FBXL22: variants seen among roughly 807,000 people sequenced by gnomAD.
FBXL22 encodes the protein F-box and leucine rich repeat protein 22, also known as F-box and leucine-rich protein 22.
A neutral mutation model predicts 11.7 loss-of-function variants in FBXL22; 13 were observed. That is an observed-to-expected ratio of 1.11 (90% CI 0.73 to 1.77). The LOEUF (loss-of-function observed/expected upper bound fraction) is 1.77, where lower values mean the gene tolerates loss of function less well. Ranked by LOEUF, FBXL22 falls within the 40% of genes most tolerant of loss-of-function variation. The probability of loss-of-function intolerance (pLI) is 0.00; values close to 1 mark genes in which losing one functional copy is unlikely to be tolerated. For missense variants in FBXL22, 406 were observed against 320.4 expected (o/e 1.27, Z -2.04); for synonymous variants, 160 against 144.1 (o/e 1.11, Z -0.79).
At chr15:63,601,320 G>T, downstream of FBXL22, 2 of 1,594,424 alleles carry the variant, frequency 1.3e-6, no homozygotes, top group Non-Finnish European at 1.7e-6. Flanking sequence ...GCTCCCCACG[G>T]AGGCGGGAGG....
chr15:63,608,155 C>T, the FBXL22 span, among the ~76,000 whole-genome samples: 48 of 152,366 alleles, frequency 3.2e-4, no homozygotes, highest in East Asian at 6.5e-3. Flanking sequence ...GCCCTCCCCA[C>T]TGAGACATGT....
At chr15:63,601,565 A>T, downstream of FBXL22, 1 of 1,540,636 alleles carries the variant, frequency 6.5e-7, no homozygotes, top group Non-Finnish European at 8.8e-7. Context: ...TCGGTGAAGC[A>T]GGAGGAGGGG....
downstream of FBXL22, among the ~76,000 whole-genome samples, chr15:63,603,403 T>C (rs747483172): frequency 3.3e-5 from 5 of 152,368 alleles, no homozygotes; most frequent in Non-Finnish European, 7.3e-5. Context: ...TTACTAGTTT[T>C]GGGTAATAAA....
chr15:63,603,005 A>T (rs1380568857), downstream of FBXL22, among the ~76,000 whole-genome samples: 1 of 152,156 alleles, frequency 6.6e-6, no homozygotes, highest in Non-Finnish European at 1.5e-5. Context: ...TTAGCCTTAA[A>T]ATAGACTCCA....
chr15:63,600,686 TCTC>T lies in FBXL22; in HGVS notation c.354-7_354-5del. ...GCCAGTGAGCCCCGGGTCACCGCACTCTCCTCACAGGTGCCCCAACCTGGCGTC... is the reference window on the plus strand; with the variant it reads ...GCCAGTGAGCCCCGGGTCACCGCACTCTCACAGGTGCCCCAACCTGGCGTC... On this transcript the variant is annotated splice_region_variant and splice_polypyrimidine_tract_variant and intron_variant, in intron 1 of 1. Transcript: ENST00000638704. 8.1e-7 allele frequency: 1 copy of T among 1,231,278 alleles called. No individual in the cohort carries two copies. Among genetic ancestry groups the T allele is most frequent in the Non-Finnish European group, 1.0e-6 (1 of 987,688 alleles). The allele number at this position is 1,231,278 out of a possible 1,614,324, so 76.3% of individuals were successfully genotyped here.
chr15:63,599,775 C>G, intron 1 of FBXL22: 1 of 986,312 alleles, frequency 1.0e-6, no homozygotes, highest in East Asian at 1.1e-4. Context: ...AAGGCCCCGG[C>G]CCATTAGTCG....
In FBXL22 at chr15:63,601,089, CT is replaced by C; in HGVS notation, c.*51del. On this transcript the variant is annotated 3_prime_UTR_variant, in exon 2 of 2. Transcript: ENST00000638704. ...GGAAGGAGCGCAGCCCCAGACCGTCCTGGCTTCGAACCCAGCTCTTCCACCT... is the reference window on the plus strand; with the variant it reads ...GGAAGGAGCGCAGCCCCAGACCGTCCGGCTTCGAACCCAGCTCTTCCACCT... 7.8e-7 allele frequency: 1 copy of C among 1,286,556 alleles called. No homozygotes were observed. The highest frequency in any genetic ancestry group is 2.6e-5 in the South Asian group (1 of 38,860). The allele number at this position is 1,286,556 out of a possible 1,614,324, so 79.7% of individuals were successfully genotyped here.
Position 63,600,879 on chromosome 15 carries a change from T to C in FBXL22, c.536T>C (p.Val179Ala), listed in dbSNP as rs1338918964. 4.5e-5 allele frequency: 55 copies of C among 1,226,768 alleles called. No homozygotes were observed. The highest frequency in any genetic ancestry group is 5.4e-5 in the Non-Finnish European group (53 of 984,560). The allele number at this position is 1,226,768 out of a possible 1,614,324, so 76.0% of individuals were successfully genotyped here. A position where few individuals can be genotyped will look rare whatever the true frequency, so the allele number is the denominator to read the frequency against. ...GGGCGCGCGCTGCAGACATTGCACGTGGACTTCTGCCGCAACGTGAGCGCG... is the reference window on the plus strand; with the variant it reads ...GGGCGCGCGCTGCAGACATTGCACGCGGACTTCTGCCGCAACGTGAGCGCG... ...ADGRALQTLH[V>A]DFCRNVSAAG... is the part of the protein sequence containing the mutation. The change falls in exon 2 of 2, where the codon GTG (valine) becomes GCG (alanine). Residue 179 changes from valine to alanine, a missense_variant. Val to Ala is a moderately conservative substitution (Grantham distance 64, BLOSUM62 0). Coordinates refer to ENST00000638704, the MANE Select transcript of FBXL22 (RefSeq NM_001367807.1).
At chr15:63,602,493 A>G (rs2067385800), downstream of FBXL22, 1 of 149,656 alleles carries the variant, frequency 6.7e-6, no homozygotes, top group Admixed American at 6.7e-5. Flanking sequence ...AGGCTGAGGC[A>G]GGAGAATGGC....
downstream of FBXL22, chr15:63,601,283 G>A: frequency 6.4e-7 from 1 of 1,562,464 alleles, no homozygotes. Flanking sequence ...TTCCCCTCTT[G>A]CTTCCGCCCC....
At position 63,600,762 on chromosome 15, in the gene FBXL22, G is replaced by C; in HGVS notation, c.419G>C (p.Arg140Pro). ...CGHVTDDCLARLLRCCPRLRA... is the reference protein window; with the variant it reads ...CGHVTDDCLAPLLRCCPRLRA... ...CACGTTACCGACGACTGCCTGGCGC[G>C]CCTGCTGCGCTGCTGCCCACGCCTG... Residue 140 changes from arginine to proline, a missense_variant, in exon 2 of 2, where the codon CGC (arginine) becomes CCC (proline). Physicochemically the swap from Arg to Pro is moderately radical, Grantham distance 103 (BLOSUM62 -2). Transcript: ENST00000638704. 8.1e-7 allele frequency: 1 copy of C among 1,231,442 alleles called. No individual in the cohort carries two copies. The highest frequency in any genetic ancestry group is 1.5e-5 in the African/African-American group (1 of 64,526). 76.3% of individuals were successfully genotyped at this position (1,231,442 alleles called of 1,614,324 possible).
chr15:63,603,340 C>T (rs575341586), downstream of FBXL22, among the ~76,000 whole-genome samples: 1 of 152,280 alleles, frequency 6.6e-6, no homozygotes, highest in South Asian at 2.1e-4. Context: ...AATTGCTTTC[C>T]CCTCTAAAAA....
downstream of FBXL22, chr15:63,601,545 G>C (rs1211738068): frequency 5.8e-6 from 9 of 1,559,266 alleles, no homozygotes; most frequent in Non-Finnish European, 7.8e-6. Flanking sequence ...CAGGAGCCCC[G>C]GTGGTGATCT....
chr15:63,601,051 C>G lies in FBXL22; in HGVS notation c.*12C>G, dbSNP rs1198501666. On this transcript the variant is annotated 3_prime_UTR_variant, in exon 2 of 2. Transcript: ENST00000638704. ...TGCTGCAGCGCTAGACGCCGCCCCG[C>G]CGCTGCCCCCGGGGAAGGAGCGCAG... 2.4e-6 allele frequency: 3 copies of G among 1,228,884 alleles called. No individual in the cohort carries two copies. The highest frequency in any genetic ancestry group is 3.0e-6 in the Non-Finnish European group (3 of 986,194). The allele number at this position is 1,228,884 out of a possible 1,614,324, so 76.1% of individuals were successfully genotyped here.
rs907828609 is a variant in FBXL22, at chr15:63,597,854, G to A, written c.353+109G>A. Reference sequence around the variant, plus strand: ...ACCAAGATGGCTCCACCTTCGGGGCGCCTCAAACTAGGCCCAAGGCAGACA... The same window carrying A: ...ACCAAGATGGCTCCACCTTCGGGGCACCTCAAACTAGGCCCAAGGCAGACA... On this transcript the variant is annotated intron_variant, in intron 1 of 1. Transcript: ENST00000638704. This position sits in a 1 kb window ranked among gnomAD's most constrained non-coding sequence, Gnocchi z 4.3. 9 of 1,077,194 alleles carry A rather than the reference G, an allele frequency of 8.4e-6. No individual in the cohort carries two copies. The highest frequency in any genetic ancestry group is 5.6e-5 in the Admixed American group (2 of 35,802). The allele number at this position is 1,077,194 out of a possible 1,614,324, so 66.7% of individuals were successfully genotyped here.
At chr15:63,608,219 T>C in the FBXL22 span, among the ~76,000 whole-genome samples, 1 of 152,164 alleles carries the variant, frequency 6.6e-6, no homozygotes, top group Non-Finnish European at 1.5e-5. Flanking sequence ...TCTTTGTAGG[T>C]TCTTCATAGG....
chr15:63,598,196 G>T (rs545593661), intron 1 of FBXL22, among the ~76,000 whole-genome samples: 43 of 152,270 alleles, frequency 2.8e-4, no homozygotes, highest in African/African-American at 1.0e-3. Flanking sequence ...AGGGTGCTCA[G>T]GTCAGCTGAG....
chr15:63,600,019 C>T (rs1351529010), intron 1 of FBXL22: 1 of 985,640 alleles, frequency 1.0e-6, no homozygotes, highest in Non-Finnish European at 1.2e-6. Flanking sequence ...GCAGAGGGTC[C>T]CCCAAGCTTT....
intron 1 of FBXL22, chr15:63,599,731 C>T (rs2067334295): frequency 2.0e-6 from 2 of 987,024 alleles, no homozygotes; most frequent in African/African-American, 1.7e-5. Context: ...GCTTCCCCAG[C>T]CCAGACTCTA....
Sources: gnomAD v4.1 joint callset for allele counts (sites outside exome capture counted in the v4.1 genomes callset) on GRCh38, gnomAD v4.1.1 for gene constraint, Gnocchi (gnomAD v3.1) non-coding constraint, MANE v1.5 for transcripts, NCBI Gene and HGNC (gene_info 2026-07-23, HGNC 2026-07-21) for gene names.